The following FBLN1 variants were observed in gnomAD, a reference collection of about 807,000 sequenced individuals.
FBLN1 encodes fibulin 1.
Under a neutral mutation model 89.7 loss-of-function variants are expected in FBLN1, and 34 were observed. The ratio of observed to expected loss-of-function variants is 0.38; its 90% CI spans 0.29 to 0.50. The LOEUF (loss-of-function observed/expected upper bound fraction) is 0.50. Among genes scored for constraint, FBLN1 ranks in the 20% least tolerant of loss-of-function variants. FBLN1 has a pLI of 0.92. For synonymous variants in FBLN1, 393 were observed against 391.3 expected, an observed-to-expected ratio of 1.00 and a Z score of -0.05; for missense variants, 777 against 988.1, an observed-to-expected ratio of 0.79 and a Z score of 2.86.
At chr22:45,507,713 A>G (rs1467254551) in intron 1 of FBLN1, among the ~76,000 whole-genome samples, 7 of 152,042 alleles carry the variant, frequency 4.6e-5, no homozygotes, top group Non-Finnish European at 1.0e-4. Flanking sequence ...TTTTTAGTAG[A>G]GATGTAGTTT....
Position 45,550,768 on chromosome 22 carries a change from C to T in FBLN1, c.1697+153C>T. 9.2e-7 allele frequency: 1 copy of T among 1,091,026 alleles called. No homozygotes were observed. The highest frequency in any genetic ancestry group is 1.4e-6 in the Non-Finnish European group (1 of 722,602). The allele number at this position is 1,091,026 out of a possible 1,614,324, so 67.6% of individuals were successfully genotyped here. A position where few individuals can be genotyped will look rare whatever the true frequency, so the allele number is the denominator to read the frequency against. On this transcript the variant is annotated intron_variant, in intron 14 of 16. Coordinates refer to ENST00000327858, the MANE Select transcript of FBLN1 (RefSeq NM_006486.3). This position sits in a 1 kb window ranked among gnomAD's most constrained non-coding sequence, Gnocchi z 8.4. Reference sequence around the variant, plus strand: ...GATCACCTGATCCCTGGCCCTCAAGCCCCTAAATGCTAGTGACACTGGTCT... The same window carrying T: ...GATCACCTGATCCCTGGCCCTCAAGTCCCTAAATGCTAGTGACACTGGTCT...
chr22:45,598,754 A>T (rs1017421675), intron 16 of FBLN1, among the ~76,000 whole-genome samples: 10 of 152,220 alleles, frequency 6.6e-5, no homozygotes, highest in African/African-American at 2.2e-4. Context: ...TGCGAAGGGG[A>T]TCTGCTGAGT....
In FBLN1 at chr22:45,576,974, C is replaced by T; in HGVS notation, c.1841-3C>T. The T allele has an allele frequency of 6.2e-7, 1 of 1,613,878 alleles. No individual in the cohort carries two copies. On this transcript the variant is annotated splice_polypyrimidine_tract_variant and splice_region_variant and intron_variant, in intron 15 of 16. Coordinates refer to ENST00000327858, the MANE Select transcript of FBLN1 (RefSeq NM_006486.3). This position sits in a 1 kb window ranked among gnomAD's most constrained non-coding sequence, Gnocchi z 5.2. ...AGCCCTTCTCCATTCTGTGCCTCTG[C>T]AGAGATCATCTTCCTCCGGGCCATC... is the stretch of plus-strand genomic sequence containing the variant.
At position 45,577,376 on chromosome 22, in the gene FBLN1, C is replaced by T. The variant is rs911969078; in HGVS notation, c.1972+268C>T. Among the ~76,000 whole-genome samples the T allele has an allele frequency of 6.6e-6, 1 of 152,246 alleles. No individual in the cohort carries two copies. The highest frequency in any genetic ancestry group is 2.4e-5 in the African/African-American group (1 of 41,462). Reference sequence around the variant, plus strand: ...TGGGTCTCGGTCTCCCTGCCTATAACATGGGTGGGTTCCAGAGAGCGCTGC... The same window carrying T: ...TGGGTCTCGGTCTCCCTGCCTATAATATGGGTGGGTTCCAGAGAGCGCTGC... On this transcript the variant is annotated intron_variant, in intron 16 of 16. Coordinates refer to ENST00000327858, the MANE Select transcript of FBLN1 (RefSeq NM_006486.3). This position sits in a 1 kb window ranked among gnomAD's most constrained non-coding sequence, Gnocchi z 6.6.
rs566450196 is a variant in FBLN1, at chr22:45,536,267, C to A, written c.922+930C>A. Among the ~76,000 whole-genome samples, 5 of 151,622 alleles carry A rather than the reference C, an allele frequency of 3.3e-5. No homozygotes were observed. The South Asian group carries it at 8.3e-4, about 25-fold the overall frequency. ...TAGAATGGAAGGTGCCGGGGCTGGG[C>A]AGGGTGGGGGATGGGGAGTGAGTGT... is the stretch of plus-strand genomic sequence containing the variant. On this transcript the variant is annotated intron_variant, in intron 8 of 16. Transcript: ENST00000327858. The surrounding 1 kb of genome is among the most constrained non-coding windows in gnomAD (Gnocchi z 5.1).
chr22:45,540,038 CCT>C (rs1251158383), intron 8 of FBLN1, among the ~76,000 whole-genome samples: 1 of 152,190 alleles, frequency 6.6e-6, no homozygotes, highest in African/African-American at 2.4e-5. Context: ...TAAAAGCACC[CCT>C]GAGCAATGCA....
In FBLN1 at chr22:45,550,582, A is replaced by G. The variant is rs1165113394; in HGVS notation, c.1664A>G (p.Glu555Gly). ...GGCGGCTTCCGCTGCCTGGCCTTCG[A>G]GTGCCCTGAGAACTACCGCCGCTCC... is the stretch of plus-strand genomic sequence containing the variant. Reference protein sequence around the residue: ...IQGGFRCLAFECPENYRRSAA... With the variant: ...IQGGFRCLAFGCPENYRRSAA... Residue 555 changes from glutamate (E) to glycine (G), a missense_variant, in exon 14 of 17, where the codon GAG becomes GGG. Physicochemically the swap from Glu to Gly is moderately conservative, Grantham distance 98. Transcript: ENST00000327858. This position sits in a 1 kb window ranked among gnomAD's most constrained non-coding sequence, Gnocchi z 8.4. The G allele has an allele frequency of 6.2e-7, 1 of 1,613,924 alleles. No homozygotes were observed. The highest frequency in any genetic ancestry group is 1.7e-5 in the Admixed American group (1 of 60,002).
In FBLN1 at chr22:45,525,531, C is replaced by T; in HGVS notation, c.186-12C>T. The stretch of plus-strand genomic sequence containing the variant: ...GCACAGAGCCTTGGCCCAGCCCACC[C>T]CTCACCCACAGGATGGTGCAGGAGC... On this transcript the variant is annotated splice_polypyrimidine_tract_variant and intron_variant, in intron 2 of 16. Coordinates refer to ENST00000327858, the MANE Select transcript of FBLN1 (RefSeq NM_006486.3). 1 of 1,548,966 alleles carries T rather than the reference C, an allele frequency of 6.5e-7. No homozygotes were observed. The highest frequency in any genetic ancestry group is 8.7e-7 in the Non-Finnish European group (1 of 1,146,776).
chr22:45,509,944 G>T (rs1226484247), intron 1 of FBLN1, among the ~76,000 whole-genome samples: 1 of 152,120 alleles, frequency 6.6e-6, no homozygotes, highest in Non-Finnish European at 1.5e-5. Context: ...ACAGGATGAA[G>T]CCTCAAGCTC....
intron 1 of FBLN1, among the ~76,000 whole-genome samples, chr22:45,516,619 G>A (rs775216293): frequency 1.2e-4 from 19 of 152,144 alleles, no homozygotes; most frequent in Non-Finnish European, 2.5e-4. Context: ...CACGTTCACC[G>A]AAGAGCATCG....
intron 9 of FBLN1, 77 bp downstream of exon 9, chr22:45,541,449 G>C: frequency 1.3e-6 from 2 of 1,578,276 alleles, no homozygotes; most frequent in Non-Finnish European, 1.7e-6. Context: ...TCTGGAAGCA[G>C]AAAGTTGATC....
chr22:45,595,157 T>A (rs781394445), intron 16 of FBLN1, among the ~76,000 whole-genome samples: 5 of 152,014 alleles, frequency 3.3e-5, no homozygotes, highest in Non-Finnish European at 4.4e-5. Context: ...CAGGAAAATG[T>A]GGCTAGGCTG....
chr22:45,560,058 A>G (rs992013591), intron 14 of FBLN1, among the ~76,000 whole-genome samples: 1 of 152,204 alleles, frequency 6.6e-6, no homozygotes, highest in Admixed American at 6.5e-5. Flanking sequence ...TAGGCTTCCT[A>G]TCAATTTCAC....
chr22:45,533,137 C>T lies in FBLN1; in HGVS notation c.619C>T (p.Leu207=). The T allele has an allele frequency of 1.9e-6, 3 of 1,614,186 alleles. No homozygotes were observed. Among genetic ancestry groups the T allele is most frequent in the Non-Finnish European group, 2.5e-6 (3 of 1,180,002 alleles). The change falls in exon 6 of 17, where the codon CTG becomes TTG. Residue 207 remains leucine (L), a synonymous_variant. Coordinates refer to ENST00000327858, the MANE Select transcript of FBLN1 (RefSeq NM_006486.3). The stretch of plus-strand genomic sequence containing the variant: ...CTGCTCCTGCTTCGTGGGCTACCAG[C>T]TGCTGTCTGATGGTGTCTCCTGTGA... ...VVCSCFVGYQ[L]LSDGVSCEDV...
intron 7 of FBLN1, 93 bp from the exon 8 acceptor site, chr22:45,535,107 C>T: frequency 7.0e-7 from 1 of 1,418,914 alleles, no homozygotes; most frequent in Non-Finnish European, 1.0e-6. Flanking sequence ...GAGTAATGCG[C>T]ATTAGAAAAA....
chr22:45,597,889 G>A lies in FBLN1; in HGVS notation c.1973-2418G>A, dbSNP rs1204351077. Among the ~76,000 whole-genome samples, 1 of 152,126 alleles carries A rather than the reference G, an allele frequency of 6.6e-6. No individual in the cohort carries two copies. The highest frequency in any genetic ancestry group is 1.5e-5 in the Non-Finnish European group (1 of 68,034). The stretch of plus-strand genomic sequence containing the variant: ...CTTTTGAAACATAAGCCCAGAGAGC[G>A]AAAGGGGGGAACGTTGTGCCCAGAT... On this transcript the variant is annotated intron_variant, in intron 16 of 16. Coordinates refer to ENST00000327858, the MANE Select transcript of FBLN1 (RefSeq NM_006486.3). This position sits in a 1 kb window ranked among gnomAD's most constrained non-coding sequence, Gnocchi z 4.2.
At chr22:45,596,660 AATT>A (rs1270080642) in intron 16 of FBLN1, among the ~76,000 whole-genome samples, 5 of 147,166 alleles carry the variant, frequency 3.4e-5, no homozygotes, top group East Asian at 1.9e-4. Context: ...AACATAATAT[AATT>A]ATGTACATAT....
rs552629029 is a variant in FBLN1, at chr22:45,586,795, C to T, written c.1972+9687C>T. Among the ~76,000 whole-genome samples, 6 of 152,186 alleles carry T rather than the reference C, an allele frequency of 3.9e-5. No homozygotes were observed. The East Asian group carries it at 1.2e-3, about 30-fold the overall frequency. ...GGAATGGGGCCACGTAGGAAAGGGTCACATCCATTCACCCTGGAGTCAGCC... is the reference window on the plus strand; with the variant it reads ...GGAATGGGGCCACGTAGGAAAGGGTTACATCCATTCACCCTGGAGTCAGCC... On this transcript the variant is annotated intron_variant, in intron 16 of 16. Coordinates refer to ENST00000327858, the MANE Select transcript of FBLN1 (RefSeq NM_006486.3).
chr22:45,568,555 A>AG (rs1321458385), intron 14 of FBLN1, among the ~76,000 whole-genome samples: 2,369 of 117,214 alleles, frequency 0.02, 808 homozygotes, highest in African/African-American at 0.036. Flanking sequence ...CTCCTTCTGT[A>AG]GGGCATGCTC....
Sources: gnomAD v4.1 joint callset for allele counts (sites outside exome capture counted in the v4.1 genomes callset) on GRCh38, gnomAD v4.1.1 for gene constraint, Gnocchi (gnomAD v3.1) non-coding constraint, MANE v1.5 for transcripts, NCBI Gene and HGNC (gene_info 2026-07-23, HGNC 2026-07-21) for gene names.